PELP1: variants seen among roughly 807,000 people sequenced by gnomAD.
The protein encoded by PELP1 is proline, glutamate and leucine rich protein 1, also known as proline-, glutamic acid- and leucine-rich protein 1.
A neutral mutation model predicts 95.5 loss-of-function variants in PELP1; 32 were observed. The observed-to-expected ratio is 0.34, with a 90% CI of 0.25 to 0.45. The LOEUF (loss-of-function observed/expected upper bound fraction) is 0.45. Ranked by LOEUF, PELP1 falls within the 20% of genes least tolerant of loss-of-function variation. The pLI is 1.00. For synonymous variants in PELP1, 668 were observed against 600.1 expected, an observed-to-expected ratio of 1.11 and a Z score of -1.65; for missense variants, 1,358 against 1,444.8, an observed-to-expected ratio of 0.94 and a Z score of 0.97.
Position 4,675,258 on chromosome 17 carries a change from G to T in PELP1, c.1157+16C>A. 1 of 1,588,812 alleles carries T rather than the reference G, an allele frequency of 6.3e-7. No homozygotes were observed. ...ACGCCCTATCCCTTCACCACAGCCA[G>T]CCCAATCCCACTCACGCGAGGATGA... On this transcript the variant is annotated intron_variant, in intron 10 of 16. Transcript: ENST00000572293. This position sits in a 1 kb window ranked among gnomAD's most constrained non-coding sequence, Gnocchi z 4.3.
intron 3 of PELP1, among the ~76,000 whole-genome samples, chr17:4,687,999 A>G (rs1004802793): frequency 6.6e-6 from 1 of 152,216 alleles, no homozygotes; most frequent in Non-Finnish European, 1.5e-5. Context: ...TCAACATAGT[A>G]CTGGAAGTCC....
At chr17:4,683,647 C>A (rs1304789996) in intron 3 of PELP1, among the ~76,000 whole-genome samples, 1 of 148,816 alleles carries the variant, frequency 6.7e-6, no homozygotes, top group East Asian at 2.0e-4. Context: ...TCTCATGCCT[C>A]AGCCTCCTGA....
chr17:4,685,297 C>T (rs896522831), intron 3 of PELP1, among the ~76,000 whole-genome samples: 6 of 152,244 alleles, frequency 3.9e-5, no homozygotes, highest in Admixed American at 2.6e-4. Flanking sequence ...AAGTAGTCTT[C>T]GCTTGGCCCC....
Position 4,670,264 on chromosome 17 carries a change from C to T in PELP1, c.*1175G>A, listed in dbSNP as rs1396039576. ...AGAAATGACTCCCTCTTCTGCATTG[C>T]GAAGGCACTTTACTTACGTTCATGA... is the stretch of plus-strand genomic sequence containing the variant. On this transcript the variant is annotated 3_prime_UTR_variant, in exon 17 of 17. Transcript: ENST00000572293. 4.6e-5 allele frequency: 7 copies of T among 152,252 alleles called. No individual in the cohort carries two copies. In the East Asian group the frequency reaches 5.8e-4, roughly 13 times the overall value. The allele number at this position is 152,252 out of a possible 1,614,324, so 9.4% of individuals were successfully genotyped here.
Position 4,676,427 on chromosome 17 carries a change from C to T in PELP1, c.783G>A (p.Glu261=). 1 of 1,613,828 alleles carries T rather than the reference C, an allele frequency of 6.2e-7. No homozygotes were observed. Among genetic ancestry groups the T allele is most frequent in the South Asian group, 1.1e-5 (1 of 91,058 alleles). ...AGGCCAGCAGACTGTGTAGCTCCTG[C>T]TCCCAGCTCTCGGTGTGCTTCAGGC... ...SQGLKHTESW[E]QELHSLLASL... The change falls in exon 7 of 17, where the codon GAG becomes GAA. Residue 261 remains glutamate (E), a synonymous_variant. Transcript: ENST00000572293.
At chr17:4,690,850 GGGAGGA>G in intron 3 of PELP1, 32 bp downstream of exon 3, 2 of 1,261,500 alleles carry the variant, frequency 1.6e-6, no homozygotes, top group Non-Finnish European at 2.3e-6. Flanking sequence ...AATAAGATGG[GGGAGGA>G]GGAGGAAGTA....
At chr17:4,699,418 T>C (rs1275852299) in intron 1 of PELP1, among the ~76,000 whole-genome samples, 2 of 152,160 alleles carry the variant, frequency 1.3e-5, no homozygotes, top group African/African-American at 4.8e-5. Flanking sequence ...GAGAAGGGTA[T>C]ATATTGAAAT....
chr17:4,676,666 G>A (rs1038331522), intron 6 of PELP1, 87 bp downstream of exon 6: 22 of 1,392,082 alleles, frequency 1.6e-5, no homozygotes, highest in Middle Eastern at 1.8e-4. Context: ...GGCATATGAA[G>A]GCAGGACAGA....
Position 4,675,900 on chromosome 17 carries a change from G to T in PELP1, c.981-16C>A. The T allele has an allele frequency of 6.3e-7, 1 of 1,585,158 alleles. No individual in the cohort carries two copies. The highest frequency in any genetic ancestry group is 1.1e-5 in the South Asian group (1 of 87,958). ...AAACTCAGAGCTAAAGAGAATCAGA[G>T]CAGGGAGACCTTCAGAGCAGGCTCC... On this transcript the variant is annotated splice_polypyrimidine_tract_variant and intron_variant, in intron 8 of 16. Coordinates refer to ENST00000572293, the MANE Select transcript of PELP1 (RefSeq NM_014389.3). The surrounding 1 kb of genome is among the most constrained non-coding windows in gnomAD (Gnocchi z 4.3).
intron 3 of PELP1, 149 bp from the exon 4 acceptor site, chr17:4,683,101 A>C: frequency 7.6e-7 from 1 of 1,319,104 alleles, no homozygotes; most frequent in Non-Finnish European, 9.7e-7. Flanking sequence ...GAGGGTGTGG[A>C]GACACGGATA....
chr17:4,673,556 C>T lies in PELP1; in HGVS notation c.1638+63G>A. 1 of 1,575,378 alleles carries T rather than the reference C, an allele frequency of 6.3e-7. No homozygotes were observed. Among genetic ancestry groups the T allele is most frequent in the East Asian group, 2.2e-5 (1 of 44,702 alleles). ...GAATGGACCCACCTCTGGGCCACAC[C>T]CCCCAATGTGTACAGAGCAGGGGCC... On this transcript the variant is annotated intron_variant, in intron 14 of 16. Transcript: ENST00000572293. This position sits in a 1 kb window ranked among gnomAD's most constrained non-coding sequence, Gnocchi z 5.7.
chr17:4,697,991 C>T (rs539728858), intron 1 of PELP1, among the ~76,000 whole-genome samples: 60 of 149,648 alleles, frequency 4.0e-4, no homozygotes, highest in African/African-American at 1.4e-3. Context: ...CCAAGAATGA[C>T]ACATCATTTC....
chr17:4,691,027 C>A (rs111245063), intron 2 of PELP1, 34 bp from the exon 3 acceptor site: 15 of 1,464,786 alleles, frequency 1.0e-5, no homozygotes, highest in East Asian at 4.5e-5. Flanking sequence ...GTTAAGTGGG[C>A]GGAGGCTAGA....
chr17:4,675,408 G>C lies in PELP1; in HGVS notation c.1069-46C>G. 1.7e-6 allele frequency: 2 copies of C among 1,171,300 alleles called. No homozygotes were observed. The highest frequency in any genetic ancestry group is 2.5e-6 in the Non-Finnish European group (2 of 807,804). The allele number at this position is 1,171,300 out of a possible 1,614,324, so 72.6% of individuals were successfully genotyped here. On this transcript the variant is annotated intron_variant, in intron 9 of 16. Coordinates refer to ENST00000572293, the MANE Select transcript of PELP1 (RefSeq NM_014389.3). This position sits in a 1 kb window ranked among gnomAD's most constrained non-coding sequence, Gnocchi z 4.3. The stretch of plus-strand genomic sequence containing the variant: ...GATAAAGAGTGGAGGAAGAAAGTGA[G>C]AGCCAGAGAGAGACAGAAACAGGGA...
chr17:4,691,089 C>T (rs1047894418), intron 2 of PELP1, 96 bp from the exon 3 acceptor site: 2 of 870,354 alleles, frequency 2.3e-6, no homozygotes, highest in African/African-American at 3.3e-5. Context: ...AGCAAGACTT[C>T]ATCCCCAGAT....
At chr17:4,674,999 C>T (rs1476341337) in intron 11 of PELP1, 43 bp from the exon 12 acceptor site, 2 of 1,605,708 alleles carry the variant, frequency 1.2e-6, no homozygotes, top group East Asian at 2.2e-5. Context: ...GGGGGGTCAA[C>T]ATGCCAGAAG....
rs371388506 is a variant in PELP1 at position 4,686,797 on chromosome 17, C to T, written c.421-3845G>A. ...CCTCCCAAACTGCTGGGATTACAGG[C>T]GTGAGCCACCACGCCTGGCCTCAGA... is the stretch of plus-strand genomic sequence containing the variant. On this transcript the variant is annotated intron_variant, in intron 3 of 16. Coordinates refer to ENST00000572293, the MANE Select transcript of PELP1 (RefSeq NM_014389.3). Among the ~76,000 whole-genome samples the T allele has an allele frequency of 1.2e-3, 186 of 152,180 alleles. 1 individual carries two copies. Among genetic ancestry groups the T allele is most frequent in the East Asian group, 8.9e-3 (46 of 5,168 alleles).
In PELP1 at chr17:4,673,485, A is replaced by G; in HGVS notation, c.1639-29T>C. On this transcript the variant is annotated intron_variant, in intron 14 of 16. Transcript: ENST00000572293. The surrounding 1 kb of genome is among the most constrained non-coding windows in gnomAD (Gnocchi z 5.7). ...AAAAGGACAGAGCACACCTGGAAAC[A>G]TCCCCAAGACCACCCAACCCTTCTC... 6.3e-6 allele frequency: 10 copies of G among 1,577,258 alleles called. No homozygotes were observed. Among genetic ancestry groups the G allele is most frequent in the Non-Finnish European group, 8.6e-6 (10 of 1,156,392 alleles).
chr17:4,672,451 G>A lies in PELP1; in HGVS notation c.2540C>T (p.Pro847Leu), dbSNP rs372079687. ...GPLPPPPPPPPPVPGPVTLPP... is the reference protein window; with the variant it reads ...GPLPPPPPPPLPVPGPVTLPP... ...GAGCGTCACAGGACCAGGAACAGGC[G>A]GCGGCGGAGGTGGGGGTGGCGGGAG... Residue 847 changes from proline to leucine, a missense_variant, in exon 16 of 17, where the codon CCG becomes CTG. Coordinates refer to ENST00000572293, the MANE Select transcript of PELP1 (RefSeq NM_014389.3). The A allele has an allele frequency of 3.5e-5, 55 of 1,566,672 alleles. No individual in the cohort carries two copies. Among genetic ancestry groups the A allele is most frequent in the African/African-American group, 1.9e-4 (14 of 74,182 alleles).
Sources: allele counts gnomAD v4.1 joint callset (sites outside exome capture counted in the v4.1 genomes callset), GRCh38; gene constraint gnomAD v4.1.1; non-coding constraint Gnocchi (gnomAD v3.1); transcripts MANE v1.5; gene names NCBI Gene and HGNC (gene_info 2026-07-23, HGNC 2026-07-21).